OSBPL9: variants seen among roughly 807,000 people sequenced by gnomAD.
The protein encoded by OSBPL9 is oxysterol-binding protein-related protein 9.
A neutral mutation model predicts 106.6 loss-of-function variants in OSBPL9; 40 were observed. The observed-to-expected ratio is 0.38, with a 90% CI of 0.29 to 0.49. OSBPL9 has a LOEUF of 0.49. Among genes scored for constraint, OSBPL9 ranks in the 20% least tolerant of loss-of-function variants. The pLI, the probability that OSBPL9 is intolerant of heterozygous loss-of-function variation, is 0.97. For missense variants in OSBPL9, 609 were observed against 887.2 expected (o/e 0.69, Z 3.98); for synonymous variants, 269 against 295.4 (o/e 0.91, Z 0.92).
intron 4 of OSBPL9, among the ~76,000 whole-genome samples, chr1:51,715,754 G>A (rs1012972181): frequency 1.3e-5 from 2 of 152,094 alleles, no homozygotes; most frequent in Admixed American, 1.3e-4. Context: ...TTGCTTACTT[G>A]CTTTCCTTCA....
At chr1:51,713,945 T>C (rs1345540978) in intron 3 of OSBPL9, 58 bp from the exon 4 acceptor site, 1 of 1,306,522 alleles carries the variant, frequency 7.7e-7, no homozygotes, top group Non-Finnish European at 1.1e-6. Flanking sequence ...TATTTTCAAA[T>C]ATGGAGATAT....
At chr1:51,589,707 G>A (rs939384845) in intron 1 of OSBPL9, among the ~76,000 whole-genome samples, 1 of 151,844 alleles carries the variant, frequency 6.6e-6, no homozygotes, top group Non-Finnish European at 1.5e-5. Context: ...AAGCCAATGT[G>A]GCTGGAACAT....
the OSBPL9 span, among the ~76,000 whole-genome samples, chr1:51,522,988 G>A: frequency 1.3e-5 from 2 of 152,048 alleles, no homozygotes; most frequent in Non-Finnish European, 2.9e-5. Flanking sequence ...CAGACCAGGT[G>A]GCTCACATTT....
At chr1:51,722,100 T>C (rs1439118209) in intron 4 of OSBPL9, among the ~76,000 whole-genome samples, 1 of 152,198 alleles carries the variant, frequency 6.6e-6, no homozygotes, top group Non-Finnish European at 1.5e-5. Context: ...AAGGCAGGAT[T>C]GCTTGAGGCC....
chr1:51,668,744 C>A (rs192827360), intron 2 of OSBPL9, among the ~76,000 whole-genome samples: 1 of 152,132 alleles, frequency 6.6e-6, no homozygotes, highest in Non-Finnish European at 1.5e-5. Flanking sequence ...GCCCACCCCC[C>A]AGTTTGGAGA....
chr1:51,550,837 T>C, the OSBPL9 span, among the ~76,000 whole-genome samples: 1 of 152,106 alleles, frequency 6.6e-6, no homozygotes, highest in South Asian at 2.1e-4. Context: ...CAAAATAAAA[T>C]CCTTGGGTGT....
intron 1 of OSBPL9, among the ~76,000 whole-genome samples, chr1:51,617,474 G>A (rs1206067559): frequency 6.6e-6 from 1 of 152,150 alleles, no homozygotes; most frequent in African/African-American, 2.4e-5. Flanking sequence ...TCTTTCTTAG[G>A]GTCCGCTATT....
rs1672488736 is a variant in OSBPL9, at chr1:51,766,056, T to C, written c.938+75T>C. ...AAATCTAATTTGATTTTGAGACTAGTGTTAATGACAGACTTGCCTCATCAG... is the reference window on the plus strand; with the variant it reads ...AAATCTAATTTGATTTTGAGACTAGCGTTAATGACAGACTTGCCTCATCAG... On this transcript the variant is annotated intron_variant, in intron 12 of 23. Coordinates refer to ENST00000428468, the MANE Select transcript of OSBPL9 (RefSeq NM_024586.6). 3.7e-6 allele frequency: 5 copies of C among 1,368,234 alleles called. No homozygotes were observed. The Admixed American group carries it at 7.5e-5, about 21-fold the overall frequency. 84.8% of individuals were successfully genotyped at this position (1,368,234 alleles called of 1,614,324 possible).
In OSBPL9 at chr1:51,590,032, CAAAAAAAAAAAA is replaced by C. The variant is rs941103745; in HGVS notation, c.-422-8082_-422-8071del. Among the ~76,000 whole-genome samples the C allele has an allele frequency of 3.8e-4, 19 of 50,284 alleles. 1 individual carries two copies. The highest frequency in any genetic ancestry group is 1.2e-3 in the African/African-American group (17 of 14,332). The allele number at this position is 50,284 out of a possible 152,430, so 33.0% of individuals were successfully genotyped here. ...CAGGGAACAGTGTGAGACTCCGTCT[CAAAAAAAAAAAA>C]AAAAAAAAAGAGAGAGGTAGGCAGG... is the stretch of plus-strand genomic sequence containing the variant. On this transcript the variant is annotated intron_variant, in intron 1 of 25. Coordinates refer to the OSBPL9 transcript ENST00000371714.
At chr1:51,556,526 G>A in the OSBPL9 span, among the ~76,000 whole-genome samples, 1 of 151,986 alleles carries the variant, frequency 6.6e-6, no homozygotes, top group Non-Finnish European at 1.5e-5. Flanking sequence ...ATGGTTAATG[G>A]GTACAAAAAC....
At chr1:51,670,043 A>G (rs551942989) in intron 3 of OSBPL9, among the ~76,000 whole-genome samples, 1 of 152,288 alleles carries the variant, frequency 6.6e-6, no homozygotes, top group South Asian at 2.1e-4. Flanking sequence ...TTTCTCTGCT[A>G]TTATCCTTTT....
At chr1:51,675,475 C>G (rs1650970678) in intron 3 of OSBPL9, among the ~76,000 whole-genome samples, 1 of 151,874 alleles carries the variant, frequency 6.6e-6, no homozygotes. Flanking sequence ...TAAAATGCAT[C>G]TATGGGCTAG....
chr1:51,532,043 G>C, the OSBPL9 span, among the ~76,000 whole-genome samples: 1 of 152,134 alleles, frequency 6.6e-6, no homozygotes, highest in African/African-American at 2.4e-5. Context: ...AGTTAGATGA[G>C]GATTGCAATT....
chr1:51,760,896 G>A (rs1671347583), intron 10 of OSBPL9, 116 bp downstream of exon 10: 1 of 1,156,530 alleles, frequency 8.6e-7, no homozygotes, highest in African/African-American at 1.6e-5. Context: ...TTTAATAAAA[G>A]CACTCAAAAA....
chr1:51,623,698 A>G (rs143313273), intron 1 of OSBPL9, among the ~76,000 whole-genome samples: 17 of 146,186 alleles, frequency 1.2e-4, no homozygotes, highest in African/African-American at 4.6e-4. Context: ...GTCTTTAGCA[A>G]TGTTTAGTAG....
chr1:51,660,503 A>G (rs1647072473), intron 2 of OSBPL9, among the ~76,000 whole-genome samples: 1 of 152,232 alleles, frequency 6.6e-6, no homozygotes, highest in East Asian at 1.9e-4. Context: ...TCTGTAAAAA[A>G]GACAAAAGAA....
At chr1:51,785,226 C>A (rs756430508) in intron 20 of OSBPL9, 1 of 155,366 alleles carries the variant, frequency 6.4e-6, no homozygotes, top group African/African-American at 2.4e-5. Flanking sequence ...TGGCCTCTTT[C>A]AATCCTGTTT....
upstream of OSBPL9, among the ~76,000 whole-genome samples, chr1:51,615,911 C>A (rs1413832022): frequency 2.0e-5 from 3 of 151,338 alleles, no homozygotes; most frequent in South Asian, 2.1e-4. Flanking sequence ...GCTTTCACCA[C>A]AGAATTTAAG....
intron 1 of OSBPL9, among the ~76,000 whole-genome samples, chr1:51,637,330 A>G (rs1244600124): frequency 6.6e-6 from 1 of 152,176 alleles, no homozygotes; most frequent in Non-Finnish European, 1.5e-5. Flanking sequence ...GTCTCTACTA[A>G]AAATACAAAA....
Sources: allele counts gnomAD v4.1 joint callset (sites outside exome capture counted in the v4.1 genomes callset), GRCh38; gene constraint gnomAD v4.1.1; transcripts MANE v1.5; gene names NCBI Gene and HGNC (gene_info 2026-07-23, HGNC 2026-07-21).